NRIP2: variants seen among roughly 807,000 people sequenced by gnomAD.
NRIP2 encodes nuclear receptor-interacting protein 2.
Under a neutral mutation model 34.1 loss-of-function variants are expected in NRIP2, and 27 were observed. That is an observed-to-expected ratio of 0.79 (90% CI 0.58 to 1.09). NRIP2 has a LOEUF of 1.09. NRIP2 is among the 50% of genes least tolerant of loss of function. The pLI is 0.00. For missense variants in NRIP2, 385 were observed against 352.6 expected (o/e 1.09, Z -0.74); for synonymous variants, 145 against 146.9 (o/e 0.99, Z 0.09).
Position 2,825,505 on chromosome 12 carries a change from G to A in NRIP2, c.*1702C>T, listed in dbSNP as rs984764054. 5 of 152,514 alleles carry A rather than the reference G, an allele frequency of 3.3e-5. No homozygotes were observed. The highest frequency in any genetic ancestry group is 7.2e-5 in the African/African-American group (3 of 41,462). The allele number at this position is 152,514 out of a possible 1,614,324, so 9.4% of individuals were successfully genotyped here. On this transcript the variant is annotated 3_prime_UTR_variant, in exon 6 of 6. Coordinates refer to ENST00000337508, the MANE Select transcript of NRIP2 (RefSeq NM_031474.3). ...CCTTGTGGAGCAAGGCAGTGAGGGCGAGGAAAGCTTTTAGGATTTTGAGAC... is the reference window on the plus strand; with the variant it reads ...CCTTGTGGAGCAAGGCAGTGAGGGCAAGGAAAGCTTTTAGGATTTTGAGAC...
At chr12:2,831,439 C>T (rs1232999003) in intron 1 of NRIP2, among the ~76,000 whole-genome samples, 1 of 152,008 alleles carries the variant, frequency 6.6e-6, no homozygotes, top group African/African-American at 2.4e-5. Flanking sequence ...CAAAAATTAG[C>T]TAGATGTATT....
chr12:2,826,829 T>TAAAAAAA lies in NRIP2; in HGVS notation c.*377_*378insTTTTTTT. On this transcript the variant is annotated 3_prime_UTR_variant, in exon 6 of 6. Transcript: ENST00000337508. ...AGACATGGTGGTGTGGGAAGTTGAG[T>TAAAAAAA]TGTGTTTGGGGTGGTATTGGGTGAT... The TAAAAAAA allele has an allele frequency of 7.0e-6, 2 of 284,122 alleles. No homozygotes were observed. The highest frequency in any genetic ancestry group is 1.2e-5 in the Non-Finnish European group (2 of 162,508). 17.6% of individuals were successfully genotyped at this position (284,122 alleles called of 1,614,324 possible).
rs985417302 is a variant in NRIP2 at position 2,826,753 on chromosome 12, G to C, written c.*454C>G. On this transcript the variant is annotated 3_prime_UTR_variant, in exon 6 of 6. Coordinates refer to ENST00000337508, the MANE Select transcript of NRIP2 (RefSeq NM_031474.3). ...GAGGTCCAGGGACATAGGTTGGTGAGGCATGGCGGTCTAGTTGTGGGAGAT... is the reference window on the plus strand; with the variant it reads ...GAGGTCCAGGGACATAGGTTGGTGACGCATGGCGGTCTAGTTGTGGGAGAT... The C allele has an allele frequency of 2.0e-5, 4 of 201,518 alleles. No homozygotes were observed. Among genetic ancestry groups the C allele is most frequent in the Non-Finnish European group, 3.0e-5 (3 of 100,512 alleles). The allele number at this position is 201,518 out of a possible 1,614,324, so 12.5% of individuals were successfully genotyped here.
rs985695360 is a variant in NRIP2 at position 2,827,300 on chromosome 12, C to T, written c.754-1G>A. The T allele has an allele frequency of 1.2e-6, 2 of 1,613,276 alleles. No homozygotes were observed. Among genetic ancestry groups the T allele is most frequent in the Non-Finnish European group, 1.7e-6 (2 of 1,179,752 alleles). On this transcript the variant is annotated splice_acceptor_variant, in intron 5 of 5. Transcript: ENST00000337508. LOFTEE classifies it high-confidence loss of function. The surrounding 1 kb of genome is among the most constrained non-coding windows in gnomAD (Gnocchi z 4.0). The stretch of plus-strand genomic sequence containing the variant: ...CTCCGTGCTCCAGGTCGATGCAGCA[C>T]TGCGGGGTGTAGAGCAGTCATGCCA...
chr12:2,827,578 C>G lies in NRIP2; in HGVS notation c.753+47G>C. 1 of 1,613,736 alleles carries G rather than the reference C, an allele frequency of 6.2e-7. No homozygotes were observed. The highest frequency in any genetic ancestry group is 8.5e-7 in the Non-Finnish European group (1 of 1,179,830). On this transcript the variant is annotated intron_variant, in intron 5 of 5. Coordinates refer to ENST00000337508, the MANE Select transcript of NRIP2 (RefSeq NM_031474.3). The surrounding 1 kb of genome is among the most constrained non-coding windows in gnomAD (Gnocchi z 4.0). ...CCAGGTTCCACACCTGTGCCTTCTA[C>G]TACTTTTTCCCAGTGCTTTGGGTCA...
intron 1 of NRIP2, 90 bp downstream of exon 1, chr12:2,834,552 C>G: frequency 6.7e-7 from 1 of 1,499,386 alleles, no homozygotes; most frequent in Non-Finnish European, 8.9e-7. Flanking sequence ...AGCTGAGGGT[C>G]TGCACTTTCT....
chr12:2,826,658 G>A lies in NRIP2; in HGVS notation c.*549C>T, dbSNP rs1019356569. On this transcript the variant is annotated 3_prime_UTR_variant, in exon 6 of 6. Transcript: ENST00000337508. ...ACTAACTCCCGCTCTTTGTTGTATT[G>A]AATTCTGGCTGTTTCTTCCCCCACT... 6.3e-6 allele frequency: 1 copy of A among 158,880 alleles called. No individual in the cohort carries two copies. Among genetic ancestry groups the A allele is most frequent in the African/African-American group, 2.4e-5 (1 of 41,486 alleles). 9.8% of individuals were successfully genotyped at this position (158,880 alleles called of 1,614,324 possible).
At position 2,826,241 on chromosome 12, in the gene NRIP2, C is replaced by G. The variant is rs2153925457; in HGVS notation, c.*966G>C. On this transcript the variant is annotated 3_prime_UTR_variant, in exon 6 of 6. Coordinates refer to ENST00000337508, the MANE Select transcript of NRIP2 (RefSeq NM_031474.3). ...AAAAGCCTCTGTCTTTTTGCTTTGGCAAAGCCTGGCAGGGGGTTAGAAAGC... is the reference window on the plus strand; with the variant it reads ...AAAAGCCTCTGTCTTTTTGCTTTGGGAAAGCCTGGCAGGGGGTTAGAAAGC... 1.3e-5 allele frequency: 2 copies of G among 150,758 alleles called. No individual in the cohort carries two copies. Among genetic ancestry groups the G allele is most frequent in the South Asian group, 4.2e-4 (2 of 4,732 alleles). 9.3% of individuals were successfully genotyped at this position (150,758 alleles called of 1,614,324 possible).
chr12:2,830,964 C>G (rs1437725359), intron 1 of NRIP2, 104 bp from the exon 2 acceptor site: 5 of 1,245,392 alleles, frequency 4.0e-6, no homozygotes, highest in Non-Finnish European at 5.5e-6. Context: ...CCCACCCCCC[C>G]AGCCCTGAGC....
chr12:2,826,583 G>A lies in NRIP2; in HGVS notation c.*624C>T, dbSNP rs976400429. 5 of 152,780 alleles carry A rather than the reference G, an allele frequency of 3.3e-5. No individual in the cohort carries two copies. The highest frequency in any genetic ancestry group is 1.2e-4 in the African/African-American group (5 of 41,430). 9.5% of individuals were successfully genotyped at this position (152,780 alleles called of 1,614,324 possible). A position where few individuals can be genotyped will look rare whatever the true frequency, so the allele number is the denominator to read the frequency against. ...TCAAACTAACTGGCTTCAGACATTT[G>A]CAGCCACAGGAAAAAATAGCTCTCA... On this transcript the variant is annotated 3_prime_UTR_variant, in exon 6 of 6. Coordinates refer to ENST00000337508, the MANE Select transcript of NRIP2 (RefSeq NM_031474.3).
In NRIP2 at chr12:2,827,141, C is replaced by T; in HGVS notation, c.*66G>A. ...CCCAGCTACCTGGCTTCAAGAGCCC[C>T]CGTTCCCCACACGCCTCTTCTTCTA... On this transcript the variant is annotated 3_prime_UTR_variant, in exon 6 of 6. Transcript: ENST00000337508. The surrounding 1 kb of genome is among the most constrained non-coding windows in gnomAD (Gnocchi z 4.0). 6.2e-7 allele frequency: 1 copy of T among 1,608,510 alleles called. No individual in the cohort carries two copies. The highest frequency in any genetic ancestry group is 2.2e-5 in the East Asian group (1 of 44,652).
chr12:2,830,644 A>G (rs1479616844), intron 2 of NRIP2, 64 bp downstream of exon 2: 1 of 1,513,708 alleles, frequency 6.6e-7, no homozygotes, highest in African/African-American at 1.4e-5. Context: ...AGCAGAAAGG[A>G]GAGCAGGTGA....
Position 2,827,932 on chromosome 12 carries a change from C to G in NRIP2, c.694G>C (p.Val232Leu), listed in dbSNP as rs1276549055. 1 of 1,613,992 alleles carries G rather than the reference C, an allele frequency of 6.2e-7. No homozygotes were observed. The highest frequency in any genetic ancestry group is 8.5e-7 in the Non-Finnish European group (1 of 1,180,054). ...GQETVVCSAQVVDAESPEFCL... is the reference protein window; with the variant it reads ...GQETVVCSAQLVDAESPEFCL... Reference sequence around the variant, plus strand: ...TGCAGAAGGGGGGACTTACCCACCACCTGTGCCGAGCACACCACAGTCTCC... The same window carrying G: ...TGCAGAAGGGGGGACTTACCCACCAGCTGTGCCGAGCACACCACAGTCTCC... The change falls in exon 4 of 6, where the codon GTG becomes CTG. Residue 232 changes from valine (V) to leucine (L), a missense_variant. Coordinates refer to ENST00000337508, the MANE Select transcript of NRIP2 (RefSeq NM_031474.3). The surrounding 1 kb of genome is among the most constrained non-coding windows in gnomAD (Gnocchi z 4.0).
chr12:2,833,401 C>T (rs1408934103), intron 1 of NRIP2, among the ~76,000 whole-genome samples: 3 of 152,146 alleles, frequency 2.0e-5, no homozygotes, highest in Non-Finnish European at 4.4e-5. Context: ...TCCCTTTTCT[C>T]GTTGGGAGCT....
chr12:2,831,062 A>G (rs2098000201), intron 1 of NRIP2, among the ~76,000 whole-genome samples: 1 of 145,522 alleles, frequency 6.9e-6, no homozygotes. Flanking sequence ...TTGGACACCC[A>G]TAGATTGCTC....
chr12:2,830,532 A>G, intron 2 of NRIP2, 176 bp downstream of exon 2: 3 of 589,688 alleles, frequency 5.1e-6, no homozygotes, highest in Non-Finnish European at 8.8e-6. Context: ...CACCGAGGAG[A>G]CATGGCTTGG....
At chr12:2,828,555 C>G in intron 2 of NRIP2, 141 bp from the exon 3 acceptor site, 1 of 690,592 alleles carries the variant, frequency 1.4e-6, no homozygotes, top group Non-Finnish European at 2.5e-6. Context: ...TGGCTTTTAT[C>G]GGGGCCAGGC....
intron 1 of NRIP2, among the ~76,000 whole-genome samples, chr12:2,833,878 A>G (rs1015476574): frequency 6.6e-6 from 1 of 152,198 alleles, no homozygotes; most frequent in Non-Finnish European, 1.5e-5. Context: ...AGAGACGTAA[A>G]GTCAATTGCA....
chr12:2,826,270 T>G lies in NRIP2; in HGVS notation c.*937A>C, dbSNP rs564354126. ...GCCTGGCAGGGGGTTAGAAAGCCAC[T>G]GATTCCAGGACAATACAAGCTTAAG... On this transcript the variant is annotated 3_prime_UTR_variant, in exon 6 of 6. Transcript: ENST00000337508. The G allele has an allele frequency of 6.6e-6, 1 of 151,674 alleles. No individual in the cohort carries two copies. 9.4% of individuals were successfully genotyped at this position (151,674 alleles called of 1,614,324 possible). A position where few individuals can be genotyped will look rare whatever the true frequency, so the allele number is the denominator to read the frequency against.
Sources: gnomAD v4.1 joint callset for allele counts (sites outside exome capture counted in the v4.1 genomes callset) on GRCh38, gnomAD v4.1.1 for gene constraint, Gnocchi (gnomAD v3.1) non-coding constraint, MANE v1.5 for transcripts, NCBI Gene and HGNC (gene_info 2026-07-23, HGNC 2026-07-21) for gene names.